The following DNAAF9 variants were observed in gnomAD, a reference collection of about 807,000 sequenced individuals.
DNAAF9 encodes the protein shulin.
Under a neutral mutation model 167.0 loss-of-function variants are expected in DNAAF9, and 90 were observed. That is an observed-to-expected ratio of 0.54 (90% CI 0.45 to 0.64). The LOEUF (loss-of-function observed/expected upper bound fraction) is 0.64. DNAAF9 is among the 30% of genes least tolerant of loss of function. The probability of loss-of-function intolerance (pLI) is 0.00; values close to 1 mark genes in which losing one functional copy is unlikely to be tolerated. For synonymous variants in DNAAF9, 491 were observed against 508.8 expected (o/e 0.96, Z 0.47); for missense variants, 1,315 against 1,442.2 (o/e 0.91, Z 1.43).
At chr20:3,317,081 G>C (rs1000685680) in intron 17 of DNAAF9, among the ~76,000 whole-genome samples, 9 of 151,628 alleles carry the variant, frequency 5.9e-5, no homozygotes, top group Non-Finnish European at 2.9e-5. Flanking sequence ...TTTTAGTAGA[G>C]ATGGAATTTT....
intron 8 of DNAAF9, among the ~76,000 whole-genome samples, chr20:3,347,542 A>G (rs903980714): frequency 1.3e-5 from 2 of 152,228 alleles, no homozygotes; most frequent in Non-Finnish European, 2.9e-5. Flanking sequence ...ACTGGCAAAT[A>G]TATAAGACTT....
intron 21 of DNAAF9, among the ~76,000 whole-genome samples, chr20:3,300,427 CTT>C (rs1302491289): frequency 6.6e-6 from 1 of 151,878 alleles, no homozygotes; most frequent in Non-Finnish European, 1.5e-5. Flanking sequence ...GTACTTTACT[CTT>C]TTTGATGCTA....
chr20:3,280,458 G>A (rs531703321), intron 28 of DNAAF9, among the ~76,000 whole-genome samples: 1 of 151,788 alleles, frequency 6.6e-6, no homozygotes, highest in African/African-American at 2.4e-5. Context: ...CCAGCTACTC[G>A]GGAGGCTGAG....
At chr20:3,365,505 C>T (rs1006671024) in intron 6 of DNAAF9, among the ~76,000 whole-genome samples, 1 of 152,146 alleles carries the variant, frequency 6.6e-6, no homozygotes, top group African/African-American at 2.4e-5. Flanking sequence ...GATTCTCTTG[C>T]CTCAGCCTCC....
chr20:3,382,998 A>C (rs1789829856), intron 1 of DNAAF9, among the ~76,000 whole-genome samples: 1 of 152,168 alleles, frequency 6.6e-6, no homozygotes, highest in South Asian at 2.1e-4. Flanking sequence ...ACAGCTATCC[A>C]TATAGGGAGT....
chr20:3,351,564 G>A (rs1202518944), intron 7 of DNAAF9, among the ~76,000 whole-genome samples: 2 of 152,002 alleles, frequency 1.3e-5, no homozygotes, highest in African/African-American at 4.8e-5. Context: ...AGGGGGCAGG[G>A]GGACAAAGAG....
At chr20:3,290,041 G>A (rs1040576607) in intron 26 of DNAAF9, 88 bp downstream of exon 26, 7 of 806,670 alleles carry the variant, frequency 8.7e-6, no homozygotes, top group Admixed American at 3.6e-5. Flanking sequence ...GTCCCACCAA[G>A]GCCAGTACAT....
chr20:3,363,412 C>T (rs1223489229), intron 6 of DNAAF9, among the ~76,000 whole-genome samples: 2 of 148,942 alleles, frequency 1.3e-5, no homozygotes, highest in African/African-American at 5.0e-5. Context: ...TGCGGTGAGC[C>T]GAGACCATGC....
In DNAAF9 at chr20:3,357,489, A is replaced by AATAC. The variant is rs531240627; in HGVS notation, c.690+2026_690+2027insGTAT. Among the ~76,000 whole-genome samples, 6 of 152,114 alleles carry AATAC rather than the reference A, an allele frequency of 3.9e-5. No homozygotes were observed. In the South Asian group the frequency reaches 1.0e-3, roughly 26 times the overall value. On this transcript the variant is annotated intron_variant, in intron 7 of 36. Coordinates refer to ENST00000252032, the MANE Select transcript of DNAAF9 (RefSeq NM_001009984.3). The stretch of plus-strand genomic sequence containing the variant: ...TCTGTCTCAAAAAAATAAATAAATA[A>AATAC]ATAAATATTACCGAGTGCTAGTGTT...
chr20:3,335,872 C>T (rs2069930977), intron 10 of DNAAF9, among the ~76,000 whole-genome samples: 2 of 151,406 alleles, frequency 1.3e-5, no homozygotes, highest in South Asian at 4.2e-4. Flanking sequence ...CCTGTTATCT[C>T]AGCACTTTAA....
chr20:3,296,679 C>T, intron 23 of DNAAF9, 182 bp downstream of exon 23: 1 of 616,552 alleles, frequency 1.6e-6, no homozygotes, highest in Non-Finnish European at 2.9e-6. Context: ...CTGCACATGG[C>T]CCTCTCTTGC....
chr20:3,260,638 CTTTT>C (rs1281562279), intron 31 of DNAAF9, among the ~76,000 whole-genome samples: 3 of 151,154 alleles, frequency 2.0e-5, no homozygotes, highest in Non-Finnish European at 4.4e-5. Flanking sequence ...ATTTCTCTCT[CTTTT>C]TTTTTGAGAC....
At chr20:3,325,050 A>T (rs2069686361) in intron 13 of DNAAF9, 82 bp from the exon 14 acceptor site, 3 of 814,952 alleles carry the variant, frequency 3.7e-6, no homozygotes, top group Non-Finnish European at 6.6e-6. Flanking sequence ...CCCTCCTAAC[A>T]CTTGTCCAGG....
chr20:3,341,896 G>A (rs1293989398), intron 9 of DNAAF9, among the ~76,000 whole-genome samples: 1 of 152,072 alleles, frequency 6.6e-6, no homozygotes, highest in Non-Finnish European at 1.5e-5. Flanking sequence ...TCCTGCCTCA[G>A]CCTCCCGAGT....
At chr20:3,264,358 T>TCC (rs2068447547) in intron 31 of DNAAF9, 80 bp downstream of exon 31, 13 of 750,404 alleles carry the variant, frequency 1.7e-5, no homozygotes, top group Non-Finnish European at 2.8e-5. Flanking sequence ...TTTCACCTTC[T>TCC]CTCTTTTTTT....
Position 3,407,568 on chromosome 20 carries a change from G to T in DNAAF9, c.-11C>A. On this transcript the variant is annotated 5_prime_UTR_variant, in exon 1 of 37. Coordinates refer to ENST00000252032, the MANE Select transcript of DNAAF9 (RefSeq NM_001009984.3). Reference sequence around the variant, plus strand: ...GGGGTACACGTCCATGGCGGCGGACGACTGGCGGCGGAGGAGGACGGTGCA... The same window carrying T: ...GGGGTACACGTCCATGGCGGCGGACTACTGGCGGCGGAGGAGGACGGTGCA... 2 of 1,234,046 alleles carry T rather than the reference G, an allele frequency of 1.6e-6. No individual in the cohort carries two copies. The highest frequency in any genetic ancestry group is 7.3e-5 in the South Asian group (2 of 27,476). 76.4% of individuals were successfully genotyped at this position (1,234,046 alleles called of 1,614,324 possible). A position where few individuals can be genotyped will look rare whatever the true frequency, so the allele number is the denominator to read the frequency against.
chr20:3,358,956 G>C (rs1175871961), intron 7 of DNAAF9, among the ~76,000 whole-genome samples: 1 of 152,022 alleles, frequency 6.6e-6, no homozygotes, highest in East Asian at 1.9e-4. Context: ...GATATAGACA[G>C]GCCGTGTATT....
chr20:3,262,644 G>A (rs1377361744), intron 31 of DNAAF9, among the ~76,000 whole-genome samples: 2 of 152,120 alleles, frequency 1.3e-5, no homozygotes, highest in East Asian at 1.9e-4. Flanking sequence ...TCTTGTGTAT[G>A]AGTCAGTAAG....
rs769732191 is a variant in DNAAF9, at chr20:3,252,620, C to T, written c.3486G>A (p.Gln1162=). Reference sequence around the variant, plus strand: ...CATGATACTCCTGCTGTTCCAGCTCCTGGTTATACTTCTCAATTTCCCGGT... The same window carrying T: ...CATGATACTCCTGCTGTTCCAGCTCTTGGTTATACTTCTCAATTTCCCGGT... ...EANREIEKYN[Q]ELEQQEYHDL... The change falls in exon 37 of 37, where the codon CAG becomes CAA. Residue 1162 remains glutamine, a synonymous_variant. Transcript: ENST00000252032. The T allele has an allele frequency of 5.6e-6, 9 of 1,613,364 alleles. No individual in the cohort carries two copies. The Admixed American group carries it at 1.5e-4, about 27-fold the overall frequency.
Sources: allele counts gnomAD v4.1 joint callset (sites outside exome capture counted in the v4.1 genomes callset), GRCh38; gene constraint gnomAD v4.1.1; transcripts MANE v1.5; gene names NCBI Gene and HGNC (gene_info 2026-07-23, HGNC 2026-07-21).